Variants in PRR16 observed in about 807,000 individuals in gnomAD.
PRR16 encodes the protein proline rich 16.
A neutral mutation model predicts 18.2 loss-of-function variants in PRR16; 6 were observed. The observed-to-expected ratio is 0.33, with a 90% CI of 0.18 to 0.65. PRR16 has a LOEUF of 0.65. Among genes scored for constraint, PRR16 ranks in the 30% least tolerant of loss-of-function variants. The probability of loss-of-function intolerance (pLI) is 0.74; values close to 1 mark genes in which losing one functional copy is unlikely to be tolerated. For synonymous variants in PRR16, 151 were observed against 147.8 expected, an observed-to-expected ratio of 1.02 and a Z score of -0.16; for missense variants, 412 against 376.6, an observed-to-expected ratio of 1.09 and a Z score of -0.78.
the PRR16 span, among the ~76,000 whole-genome samples, chr5:120,752,150 C>G: frequency 5.3e-5 from 8 of 151,936 alleles, no homozygotes; most frequent in Non-Finnish European, 1.0e-4. Context: ...GGAAGACTTG[C>G]TAAAAAAACT....
chr5:120,693,933 T>C, the PRR16 span, among the ~76,000 whole-genome samples: 1 of 152,354 alleles, frequency 6.6e-6, no homozygotes, highest in Non-Finnish European at 1.5e-5. Flanking sequence ...TTCCTCAAAT[T>C]ACATGGTTTC....
intron 1 of PRR16, among the ~76,000 whole-genome samples, chr5:120,646,423 G>C (rs1385445281): frequency 3.3e-5 from 5 of 151,910 alleles, no homozygotes; most frequent in Non-Finnish European, 7.4e-5. Context: ...GCCAAGATGA[G>C]AGTATTCTAG....
intron 1 of PRR16, among the ~76,000 whole-genome samples, chr5:120,545,893 C>G (rs1752059765): frequency 6.6e-6 from 1 of 151,896 alleles, no homozygotes; most frequent in Non-Finnish European, 1.5e-5. Flanking sequence ...TTGCCAATTT[C>G]TTATTAAGTA....
the PRR16 span, among the ~76,000 whole-genome samples, chr5:120,707,865 T>C: frequency 6.6e-6 from 1 of 152,320 alleles, no homozygotes; most frequent in East Asian, 1.9e-4. Context: ...TTCTCTTGCA[T>C]ATGGGAATGA....
chr5:120,477,534 C>A (rs1749481741), intron 1 of PRR16, among the ~76,000 whole-genome samples: 1 of 152,160 alleles, frequency 6.6e-6, no homozygotes, highest in South Asian at 2.1e-4. Flanking sequence ...CTGGTCCAAG[C>A]CACACTTTAT....
intron 1 of PRR16, among the ~76,000 whole-genome samples, chr5:120,599,651 T>G (rs1753919342): frequency 6.6e-6 from 1 of 151,938 alleles, no homozygotes; most frequent in South Asian, 2.1e-4. Flanking sequence ...GCATTCAATT[T>G]CTTAACATGT....
chr5:120,632,597 A>G (rs1161464144), intron 1 of PRR16, among the ~76,000 whole-genome samples: 1 of 152,196 alleles, frequency 6.6e-6, no homozygotes, highest in Non-Finnish European at 1.5e-5. Context: ...AGAAAGTCTC[A>G]GCAATAGACT....
chr5:120,694,022 G>T, the PRR16 span, among the ~76,000 whole-genome samples: 4 of 151,980 alleles, frequency 2.6e-5, no homozygotes, highest in Non-Finnish European at 5.9e-5. Context: ...TAACAATTTC[G>T]CCTGTATTCC....
At chr5:120,476,821 A>C (rs140464482) in intron 1 of PRR16, among the ~76,000 whole-genome samples, 1 of 152,284 alleles carries the variant, frequency 6.6e-6, no homozygotes, top group East Asian at 1.9e-4. Context: ...AAAAATAAAA[A>C]ATAAAAAAAA....
At chr5:120,653,507 A>G (rs1755863176) in intron 1 of PRR16, among the ~76,000 whole-genome samples, 1 of 152,006 alleles carries the variant, frequency 6.6e-6, no homozygotes, top group African/African-American at 2.4e-5. Context: ...TTTTTAAAAA[A>G]ATCACAATAC....
chr5:120,739,263 C>T, the PRR16 span, among the ~76,000 whole-genome samples: 1 of 152,030 alleles, frequency 6.6e-6, no homozygotes, highest in Non-Finnish European at 1.5e-5. Flanking sequence ...TATTTAGATA[C>T]TGTTATAAAA....
chr5:120,499,704 G>T (rs1283078540), intron 1 of PRR16, among the ~76,000 whole-genome samples: 1 of 148,546 alleles, frequency 6.7e-6, no homozygotes, highest in African/African-American at 2.5e-5. Flanking sequence ...AGCATTTTCT[G>T]TGACAGCTGC....
chr5:120,777,091 T>C, the PRR16 span, among the ~76,000 whole-genome samples: 16 of 152,114 alleles, frequency 1.1e-4, no homozygotes, highest in Middle Eastern at 3.4e-3. Flanking sequence ...TTGGTTCTCA[T>C]AGAGAACCTC....
At chr5:120,584,464 C>T (rs116818378) in intron 1 of PRR16, among the ~76,000 whole-genome samples, 3,422 of 152,216 alleles carry the variant, frequency 0.022, 123 homozygotes, top group African/African-American at 0.076. Flanking sequence ...ATAGACTAAA[C>T]ATTTAATTGC....
intron 1 of PRR16, among the ~76,000 whole-genome samples, chr5:120,520,385 ACT>A (rs1176167674): frequency 1.3e-5 from 2 of 152,170 alleles, no homozygotes; most frequent in East Asian, 3.9e-4. Context: ...ACAGAGTAAG[ACT>A]CTGTCTCCAA....
intron 1 of PRR16, among the ~76,000 whole-genome samples, chr5:120,660,585 A>T (rs896092445): frequency 6.6e-6 from 1 of 152,076 alleles, no homozygotes; most frequent in African/African-American, 2.4e-5. Flanking sequence ...CTCTTGTTTG[A>T]CATATTTGCC....
chr5:120,497,958 G>T (rs1472742498), intron 1 of PRR16, among the ~76,000 whole-genome samples: 2 of 151,648 alleles, frequency 1.3e-5, no homozygotes, highest in East Asian at 3.9e-4. Flanking sequence ...TTAATAGACA[G>T]AATATAGTCA....
chr5:120,585,379 ATGGG>A (rs1191831553), intron 1 of PRR16, among the ~76,000 whole-genome samples: 6 of 151,784 alleles, frequency 4.0e-5, no homozygotes, highest in Non-Finnish European at 8.8e-5. Context: ...GGAGGCTGAG[ATGGG>A]CAGGTCACTT....
At chr5:120,741,744 G>A in the PRR16 span, among the ~76,000 whole-genome samples, 1 of 152,088 alleles carries the variant, frequency 6.6e-6, no homozygotes, top group African/African-American at 2.4e-5. Context: ...GGGATTACAG[G>A]CACGCACCAC....
Sources: allele counts gnomAD v4.1 joint callset (sites outside exome capture counted in the v4.1 genomes callset), GRCh38; gene constraint gnomAD v4.1.1; transcripts MANE v1.5; gene names NCBI Gene and HGNC (gene_info 2026-07-23, HGNC 2026-07-21).